INO80D: variants seen among roughly 807,000 people sequenced by gnomAD.
INO80D encodes INO80 complex subunit D.
A neutral mutation model predicts 87.6 loss-of-function variants in INO80D; 21 were observed. The ratio of observed to expected loss-of-function variants is 0.24; its 90% CI spans 0.17 to 0.35. The LOEUF is 0.35. INO80D is among the 10% of genes least tolerant of loss of function. The pLI is 1.00. For missense variants in INO80D, 982 were observed against 1,280.7 expected (o/e 0.77, Z 3.56); for synonymous variants, 440 against 491.0 (o/e 0.90, Z 1.37).
chr2:206,020,312 T>C (rs762606360), intron 6 of INO80D, among the ~76,000 whole-genome samples: 1 of 152,196 alleles, frequency 6.6e-6, no homozygotes, highest in African/African-American at 2.4e-5. Context: ...GGCAGGGTTG[T>C]TGGGAGCATA....
At chr2:206,041,411 C>T (rs1346538411) in intron 5 of INO80D, among the ~76,000 whole-genome samples, 1 of 152,140 alleles carries the variant, frequency 6.6e-6, no homozygotes. Context: ...GATGGAGTGG[C>T]TATGTTAATG....
In INO80D at chr2:205,996,300, G is replaced by A. The variant is rs972519260; in HGVS notation, c.*8068C>T. The A allele has an allele frequency of 2.0e-5, 3 of 147,936 alleles. No individual in the cohort carries two copies. The highest frequency in any genetic ancestry group is 3.0e-5 in the Non-Finnish European group (2 of 67,186). 9.2% of individuals were successfully genotyped at this position (147,936 alleles called of 1,614,324 possible). On this transcript the variant is annotated 3_prime_UTR_variant, in exon 11 of 11. Coordinates refer to ENST00000403263, the MANE Select transcript of INO80D (RefSeq NM_017759.5). ...TCTGGCTAGAAGAGACAGAATTAAGGGGGAAAAAAACCACAATGATGTGTG... is the reference window on the plus strand; with the variant it reads ...TCTGGCTAGAAGAGACAGAATTAAGAGGGAAAAAAACCACAATGATGTGTG...
rs753503978 is a variant in INO80D, at chr2:206,056,310, G to A, written c.852C>T (p.Leu284=). 6.8e-6 allele frequency: 11 copies of A among 1,613,884 alleles called. No homozygotes were observed. The highest frequency in any genetic ancestry group is 8.5e-7 in the Non-Finnish European group (1 of 1,179,882). Residue 284 remains leucine (L), a synonymous_variant, in exon 4 of 11, where the codon CTC becomes CTT. Transcript: ENST00000403263. ...GTGGAGAGAAGGCTGTGGCTTTCAT[G>A]AGGATCCGGTCAGTCCTGGGTGGGT... The part of the protein sequence containing the change: ...TVDPPRTDRI[L]MKATAFSPHF...
At position 206,005,365 on chromosome 2, in the gene INO80D, C is replaced by A. The variant is rs763886867; in HGVS notation, c.2087G>T (p.Gly696Val). The change falls in exon 11 of 11, where the codon GGT becomes GTT. Residue 696 changes from glycine to valine, a missense_variant. Physicochemically the swap from Gly to Val is moderately radical, Grantham distance 109. Transcript: ENST00000403263. ...SDRGIGVFST[G>V]TGASGIQSLS... ...GGATTGTATTCCTGAAGCTCCAGTA[C>A]CTGTGGAGAACACCCCTATTCCTCT... 9 of 1,613,830 alleles carry A rather than the reference C, an allele frequency of 5.6e-6. No individual in the cohort carries two copies. In the Admixed American group the frequency reaches 8.3e-5, roughly 15 times the overall value.
At chr2:206,017,964 A>T (rs1208171089) in intron 7 of INO80D, among the ~76,000 whole-genome samples, 151 bp from the exon 8 acceptor site, 3 of 152,308 alleles carry the variant, frequency 2.0e-5, no homozygotes, top group Non-Finnish European at 2.9e-5. Context: ...TCAACTACTG[A>T]TATGGGAAAA....
intron 5 of INO80D, among the ~76,000 whole-genome samples, chr2:206,035,778 G>A (rs753929283): frequency 6.6e-6 from 1 of 152,190 alleles, no homozygotes; most frequent in Non-Finnish European, 1.5e-5. Flanking sequence ...ACAGTCAGCA[G>A]AGTAAACAGA....
At chr2:206,033,192 G>C (rs974763472) in intron 5 of INO80D, among the ~76,000 whole-genome samples, 1 of 152,088 alleles carries the variant, frequency 6.6e-6, no homozygotes, top group African/African-American at 2.4e-5. Flanking sequence ...TCTTATATCA[G>C]ACAAAACAAA....
chr2:206,084,555 T>G (rs1442025856), intron 1 of INO80D: 1 of 152,178 alleles, frequency 6.6e-6, no homozygotes, highest in Non-Finnish European at 1.5e-5. Flanking sequence ...CCCCTTGGGA[T>G]CTGTTCCGGT....
intron 7 of INO80D, among the ~76,000 whole-genome samples, chr2:206,018,487 TCTGCCTATGATA>T (rs1210040170): frequency 6.6e-6 from 1 of 152,282 alleles, no homozygotes; most frequent in Middle Eastern, 3.4e-3. Flanking sequence ...AGGAAAATTT[TCTGCCTATGATA>T]CTTACCAAGA....
At position 206,004,644 on chromosome 2, in the gene INO80D, G is replaced by A. The variant is rs751127770; in HGVS notation, c.2808C>T (p.Thr936=). Residue 936 remains threonine, a synonymous_variant, in exon 11 of 11, where the codon ACC becomes ACT. Transcript: ENST00000403263. The surrounding 1 kb of genome is among the most constrained non-coding windows in gnomAD (Gnocchi z 4.9). ...NSETTQPAFA[T]VTPSSSSVLP... Reference sequence around the variant, plus strand: ...GCACACTGGAGCTGCTGGGGGTCACGGTGGCGAAGGCAGGCTGTGTGGTCT... The same window carrying A: ...GCACACTGGAGCTGCTGGGGGTCACAGTGGCGAAGGCAGGCTGTGTGGTCT... The A allele has an allele frequency of 5.6e-6, 9 of 1,613,660 alleles. No homozygotes were observed. Among genetic ancestry groups the A allele is most frequent in the Middle Eastern group, 1.7e-4 (1 of 6,060 alleles).
intron 8 of INO80D, among the ~76,000 whole-genome samples, chr2:206,010,067 ACACACACACACACACACACG>A (rs1170702375): frequency 7.2e-6 from 1 of 138,828 alleles, no homozygotes; most frequent in East Asian, 2.0e-4. Context: ...CTGTCTACAC[ACACACACACACACACACACG>A]CACACACACG....
At position 206,058,914 on chromosome 2, in the gene INO80D, T is replaced by C. The variant is rs185673081; in HGVS notation, c.219-1971A>G. 2.3e-3 allele frequency among the ~76,000 whole-genome samples: 348 copies of C among 151,856 alleles called. 2 individuals carry two copies. The highest frequency in any genetic ancestry group is 8.0e-3 in the African/African-American group (332 of 41,414). ...GAAACTGTACCCATCTGGCAGTGTTTCCCAAAGTTATTTGAAAATGAAACC... is the reference window on the plus strand; with the variant it reads ...GAAACTGTACCCATCTGGCAGTGTTCCCCAAAGTTATTTGAAAATGAAACC... On this transcript the variant is annotated intron_variant, in intron 3 of 10. Transcript: ENST00000403263.
rs1293346438 is a variant in INO80D at position 206,000,762 on chromosome 2, T to C, written c.*3606A>G. The C allele has an allele frequency of 3.3e-5, 5 of 152,174 alleles. No homozygotes were observed. The highest frequency in any genetic ancestry group is 2.0e-4 in the Admixed American group (3 of 15,280). 9.4% of individuals were successfully genotyped at this position (152,174 alleles called of 1,614,324 possible). A position where few individuals can be genotyped will look rare whatever the true frequency, so the allele number is the denominator to read the frequency against. On this transcript the variant is annotated 3_prime_UTR_variant, in exon 11 of 11. Coordinates refer to ENST00000403263, the MANE Select transcript of INO80D (RefSeq NM_017759.5). ...AAATAATTATTTGGCAAAGATAAAG[T>C]ATCAGCTTTCTTTAGCCTCAAGCCA...
chr2:206,014,634 C>CT (rs1027892779), intron 8 of INO80D, among the ~76,000 whole-genome samples: 70 of 147,782 alleles, frequency 4.7e-4, no homozygotes, highest in East Asian at 3.9e-4. Flanking sequence ...AATTAAACCT[C>CT]TTTTTTTTTT....
chr2:206,068,494 A>C (rs1350964418), intron 1 of INO80D, among the ~76,000 whole-genome samples: 2 of 152,144 alleles, frequency 1.3e-5, no homozygotes, highest in Admixed American at 1.3e-4. Context: ...GTTTTATTGG[A>C]ACACAGCCAT....
Position 206,002,423 on chromosome 2 carries a change from A to G in INO80D, c.*1945T>C, listed in dbSNP as rs1466421713. ...ATTTAGAAATTTTGCACTCTGCAAA[A>G]AAGGCAAAGCTATTAAAAATAAATC... On this transcript the variant is annotated 3_prime_UTR_variant, in exon 11 of 11. Transcript: ENST00000403263. 2 of 152,240 alleles carry G rather than the reference A, an allele frequency of 1.3e-5. No homozygotes were observed. The highest frequency in any genetic ancestry group is 2.9e-5 in the Non-Finnish European group (2 of 68,044). The allele number at this position is 152,240 out of a possible 1,614,324, so 9.4% of individuals were successfully genotyped here.
rs1690438834 is a variant in INO80D, at chr2:206,085,693, G to A, written c.-124+208C>T. ...GCCCGCCCGCCGTCGCCGCCCGCGG[G>A]CGCCCCGGAGGCCCTCAGGCCCCCG... is the stretch of plus-strand genomic sequence containing the variant. On this transcript the variant is annotated intron_variant, in intron 1 of 10. Transcript: ENST00000403263. This position sits in a 1 kb window ranked among gnomAD's most constrained non-coding sequence, Gnocchi z 4.5. 1 of 150,148 alleles carries A rather than the reference G, an allele frequency of 6.7e-6. No individual in the cohort carries two copies. Among genetic ancestry groups the A allele is most frequent in the Non-Finnish European group, 1.5e-5 (1 of 67,494 alleles). The allele number at this position is 150,148 out of a possible 1,614,324, so 9.3% of individuals were successfully genotyped here.
At chr2:206,066,849 T>G (rs1689829930) in intron 1 of INO80D, among the ~76,000 whole-genome samples, 1 of 150,984 alleles carries the variant, frequency 6.6e-6, no homozygotes, top group African/African-American at 2.4e-5. Flanking sequence ...CACAGCAATA[T>G]GGATAGAACT....
chr2:206,011,448 C>T (rs1482200805), intron 8 of INO80D, among the ~76,000 whole-genome samples: 1 of 152,178 alleles, frequency 6.6e-6, no homozygotes, highest in Non-Finnish European at 1.5e-5. Flanking sequence ...TTGCTCGCCT[C>T]CAGAGAGCTA....
Sources: gnomAD v4.1 joint callset for allele counts (sites outside exome capture counted in the v4.1 genomes callset) on GRCh38, gnomAD v4.1.1 for gene constraint, Gnocchi (gnomAD v3.1) non-coding constraint, MANE v1.5 for transcripts, NCBI Gene and HGNC (gene_info 2026-07-23, HGNC 2026-07-21) for gene names.